The following SORL1 variants were observed in gnomAD, a reference collection of about 807,000 sequenced individuals.
SORL1 encodes sortilin-related receptor.
A neutral mutation model predicts 273.7 loss-of-function variants in SORL1; 127 were observed. That is an observed-to-expected ratio of 0.46 (90% CI 0.40 to 0.54). The LOEUF (loss-of-function observed/expected upper bound fraction) is 0.54, where lower values mean the gene tolerates loss of function less well. SORL1 is among the 20% of genes least tolerant of loss of function. The probability of loss-of-function intolerance (pLI) is 0.00; values close to 1 mark genes in which losing one functional copy is unlikely to be tolerated. For missense variants in SORL1, 2,494 were observed against 2,846.1 expected (o/e 0.88, Z 2.81); for synonymous variants, 1,031 against 1,067.4 (o/e 0.97, Z 0.66).
At chr11:121,584,663 C>T (rs1221967383) in intron 26 of SORL1, among the ~76,000 whole-genome samples, 1 of 151,902 alleles carries the variant, frequency 6.6e-6, no homozygotes, top group Non-Finnish European at 1.5e-5. Context: ...ATGATTGTGG[C>T]TCACTGCAGC....
Position 121,596,778 on chromosome 11 carries a change from C to G in SORL1, c.4519+1006C>G, listed in dbSNP as rs1205403464. On this transcript the variant is annotated intron_variant, in intron 32 of 47. Transcript: ENST00000260197. This position sits in a 1 kb window ranked among gnomAD's most constrained non-coding sequence, Gnocchi z 4.3. Reference sequence around the variant, plus strand: ...GCCTCCCTGCCGCCAAGCCCTAACCCTAAGCAGCAAACGCCTCAGTTCCTC... The same window carrying G: ...GCCTCCCTGCCGCCAAGCCCTAACCGTAAGCAGCAAACGCCTCAGTTCCTC... Among the ~76,000 whole-genome samples, 1 of 152,208 alleles carries G rather than the reference C, an allele frequency of 6.6e-6. No individual in the cohort carries two copies. Among genetic ancestry groups the G allele is most frequent in the Non-Finnish European group, 1.5e-5 (1 of 68,034 alleles).
intron 37 of SORL1, among the ~76,000 whole-genome samples, chr11:121,607,704 A>G (rs1284276521): frequency 6.6e-6 from 1 of 152,214 alleles, no homozygotes; most frequent in African/African-American, 2.4e-5. Context: ...TAGCAGAAAG[A>G]GATAGATTTT....
In SORL1 at chr11:121,554,966, T is replaced by C. The variant is rs562860885; in HGVS notation, c.2440-221T>C. 39 of 358,392 alleles carry C rather than the reference T, an allele frequency of 1.1e-4. No homozygotes were observed. The highest frequency in any genetic ancestry group is 4.3e-4 in the Admixed American group (10 of 23,360). 22.2% of individuals were successfully genotyped at this position (358,392 alleles called of 1,614,324 possible). Reference sequence around the variant, plus strand: ...TGATAATGCAGAGTAATATATATGATTAAATTCTCTTTATTCTGCTTTAAA... The same window carrying C: ...TGATAATGCAGAGTAATATATATGACTAAATTCTCTTTATTCTGCTTTAAA... On this transcript the variant is annotated intron_variant, in intron 17 of 47. Transcript: ENST00000260197. This position sits in a 1 kb window ranked among gnomAD's most constrained non-coding sequence, Gnocchi z 4.6.
At chr11:121,593,875 A>G (rs1863252815) in intron 31 of SORL1, among the ~76,000 whole-genome samples, 3 of 151,982 alleles carry the variant, frequency 2.0e-5, no homozygotes, top group Non-Finnish European at 4.4e-5. Flanking sequence ...TTCTCTTTTT[A>G]GTTTAATCCC....
At chr11:121,528,061 G>A (rs1862148156) in intron 11 of SORL1, among the ~76,000 whole-genome samples, 1 of 151,766 alleles carries the variant, frequency 6.6e-6, no homozygotes, top group Admixed American at 6.6e-5. Context: ...CTTTTCTAAT[G>A]TAAGCATTTA....
In SORL1 at chr11:121,510,198, GTTAAGTAATACAACAGCAT is replaced by G. The variant is rs543443269; in HGVS notation, c.940-2801_940-2783del. The stretch of plus-strand genomic sequence containing the variant: ...GTAAGATACACTGTTAATGGAAAAA[GTTAAGTAATACAACAGCAT>G]TTATATCATGATCCAAATTATATGT... On this transcript the variant is annotated intron_variant, in intron 6 of 47. Coordinates refer to ENST00000260197, the MANE Select transcript of SORL1 (RefSeq NM_003105.6). 4.1e-3 allele frequency among the ~76,000 whole-genome samples: 628 copies of G among 152,306 alleles called. 8 individuals carry two copies. Among genetic ancestry groups the G allele is most frequent in the African/African-American group, 0.014 (575 of 41,564 alleles).
chr11:121,627,217 C>A lies in SORL1; in HGVS notation c.6365-338C>A. The A allele has an allele frequency of 3.9e-6, 1 of 259,194 alleles. No homozygotes were observed. Among genetic ancestry groups the A allele is most frequent in the Non-Finnish European group, 7.5e-6 (1 of 133,228 alleles). 16.1% of individuals were successfully genotyped at this position (259,194 alleles called of 1,614,324 possible). The stretch of plus-strand genomic sequence containing the variant: ...TTCACATCCTCTTATGTAAGGCAAG[C>A]AAGTGGTCTTAAGTAATAATGCTAA... On this transcript the variant is annotated intron_variant, in intron 46 of 47. Transcript: ENST00000260197. This position sits in a 1 kb window ranked among gnomAD's most constrained non-coding sequence, Gnocchi z 4.9.
At chr11:121,516,652 G>A (rs983217966) in intron 8 of SORL1, among the ~76,000 whole-genome samples, 2 of 152,150 alleles carry the variant, frequency 1.3e-5, no homozygotes, top group Admixed American at 1.3e-4. Context: ...TATTTAATGT[G>A]TTATAAACCA....
In SORL1 at chr11:121,557,316, A is replaced by G. The variant is rs1440058168; in HGVS notation, c.2574A>G (p.Val858=). ...WVDAGFKKIE[V]ANPDGDFRLT... The stretch of plus-strand genomic sequence containing the variant: ...TCTTTTCCCCCTGTTTTTGTCAGGT[A>G]GCTAATCCAGATGGCGACTTCCGAC... Residue 858 remains valine (V), a splice_region_variant and synonymous_variant, in exon 19 of 48, where the codon GTA becomes GTG. Transcript: ENST00000260197. The G allele has an allele frequency of 1.2e-6, 2 of 1,612,884 alleles. No homozygotes were observed. Among genetic ancestry groups the G allele is most frequent in the East Asian group, 2.2e-5 (1 of 44,878 alleles).
chr11:121,484,501 G>A (rs1370662218), intron 3 of SORL1, among the ~76,000 whole-genome samples: 1 of 152,088 alleles, frequency 6.6e-6, no homozygotes, highest in Non-Finnish European at 1.5e-5. Flanking sequence ...AGAGAGTGAG[G>A]GCCAAAGGGA....
At chr11:121,617,587 G>A (rs962514096) in intron 41 of SORL1, among the ~76,000 whole-genome samples, 5 of 152,100 alleles carry the variant, frequency 3.3e-5, no homozygotes, top group Admixed American at 6.6e-5. Flanking sequence ...GTGGATCCCC[G>A]CTCAGTTCCT....
At chr11:121,608,406 G>A (rs1863511778) in intron 38 of SORL1, 2 of 501,110 alleles carry the variant, frequency 4.0e-6, no homozygotes, top group East Asian at 6.4e-5. Flanking sequence ...TTCTAATGCA[G>A]ACATACAAAG....
intron 3 of SORL1, among the ~76,000 whole-genome samples, chr11:121,480,204 A>C (rs776499822): frequency 9.2e-5 from 14 of 152,194 alleles, no homozygotes; most frequent in Non-Finnish European, 1.6e-4. Context: ...TAACTATGAG[A>C]GGGAAAGCAT....
chr11:121,567,277 G>C (rs1360521623), intron 22 of SORL1, among the ~76,000 whole-genome samples, 164 bp downstream of exon 22: 1 of 152,178 alleles, frequency 6.6e-6, no homozygotes, highest in Non-Finnish European at 1.5e-5. Context: ...TACTGGTTTG[G>C]GTTCTAAGTC....
chr11:121,528,861 T>C (rs1304189388), intron 11 of SORL1, among the ~76,000 whole-genome samples: 1 of 152,204 alleles, frequency 6.6e-6, no homozygotes, highest in African/African-American at 2.4e-5. Flanking sequence ...GGTAGTGTTC[T>C]GTAGATATTA....
At chr11:121,506,289 G>A (rs1342504151) in intron 6 of SORL1, among the ~76,000 whole-genome samples, 1 of 152,094 alleles carries the variant, frequency 6.6e-6, no homozygotes, top group Non-Finnish European at 1.5e-5. Context: ...TAAACATGGT[G>A]TATTAGTCCG....
At chr11:121,512,409 T>C (rs920658780) in intron 6 of SORL1, among the ~76,000 whole-genome samples, 37 of 152,240 alleles carry the variant, frequency 2.4e-4, no homozygotes, top group African/African-American at 8.4e-4. Context: ...GTCAACATCA[T>C]GTTGAATACT....
At chr11:121,576,205 C>T (rs1383590070) in intron 24 of SORL1, among the ~76,000 whole-genome samples, 1 of 152,192 alleles carries the variant, frequency 6.6e-6, no homozygotes, top group African/African-American at 2.4e-5. Flanking sequence ...TATTTTGTTT[C>T]TCACAGTACT....
At chr11:121,555,118 C>A (rs147621692) in intron 17 of SORL1, 69 bp from the exon 18 acceptor site, 32,572 of 1,507,922 alleles carry the variant, frequency 0.022, 442 homozygotes, top group Non-Finnish European at 0.026. Flanking sequence ...GGTTACCCTT[C>A]ATGGGACTGA....
Sources: allele counts gnomAD v4.1 joint callset (sites outside exome capture counted in the v4.1 genomes callset), GRCh38; gene constraint gnomAD v4.1.1; non-coding constraint Gnocchi (gnomAD v3.1); transcripts MANE v1.5; gene names NCBI Gene and HGNC (gene_info 2026-07-23, HGNC 2026-07-21).